ASIC2: variants seen among roughly 807,000 people sequenced by gnomAD.
ASIC2 encodes acid-sensing ion channel 2.
ASIC2 carries 25 observed loss-of-function variants against 57.3 expected under a neutral mutation model. The observed-to-expected ratio is 0.44, with a 90% CI of 0.32 to 0.61. The LOEUF (loss-of-function observed/expected upper bound fraction) is 0.61. ASIC2 is among the 20% of genes least tolerant of loss of function. The pLI is 0.06. For synonymous variants in ASIC2, 319 were observed against 307.5 expected, an observed-to-expected ratio of 1.04 and a Z score of -0.39; for missense variants, 641 against 738.1, an observed-to-expected ratio of 0.87 and a Z score of 1.52.
In ASIC2 at chr17:33,282,050, A is replaced by T. The variant is rs1253639119; in HGVS notation, c.708+9358T>A. Among the ~76,000 whole-genome samples the T allele has an allele frequency of 3.3e-5, 5 of 152,146 alleles. No homozygotes were observed. In the East Asian group the frequency reaches 9.6e-4, roughly 29 times the overall value. ...ATGCATGTTTGTTACAAATTCTTTC[A>T]TTTTTTTGAATTTTGGACAGATTCT... On this transcript the variant is annotated intron_variant, in intron 1 of 9. Coordinates refer to ENST00000225823, the MANE Select transcript of ASIC2 (RefSeq NM_183377.2).
In ASIC2 at chr17:33,912,975, T is replaced by C. The variant is rs537753929; in HGVS notation, c.555+243003A>G. On this transcript the variant is annotated intron_variant, in intron 1 of 9. Transcript: ENST00000359872. ...CCTGGGCAACAAGAGCGAAACTCTG[T>C]CTCAAAAAATGATAATAATAATAAA... Among the ~76,000 whole-genome samples, 11 of 152,010 alleles carry C rather than the reference T, an allele frequency of 7.2e-5. No homozygotes were observed. In the South Asian group the frequency reaches 2.1e-3, roughly 29 times the overall value.
intron 1 of ASIC2, among the ~76,000 whole-genome samples, chr17:33,666,392 G>A (rs1328878360): frequency 1.3e-5 from 2 of 152,218 alleles, no homozygotes; most frequent in Non-Finnish European, 2.9e-5. Context: ...TGGGGTCACA[G>A]TGCAGCGGGC....
chr17:33,958,945 C>T (rs1904831365), intron 1 of ASIC2, among the ~76,000 whole-genome samples: 2 of 152,194 alleles, frequency 1.3e-5, no homozygotes, highest in Admixed American at 6.5e-5. Context: ...TCATCTCTCT[C>T]AAGTTTAAAA....
rs532765166 is a variant in ASIC2 at position 33,664,683 on chromosome 17, G to A, written c.555+491295C>T. Among the ~76,000 whole-genome samples the A allele has an allele frequency of 3.3e-5, 5 of 152,316 alleles. No homozygotes were observed. The South Asian group carries it at 8.3e-4, about 25-fold the overall frequency. On this transcript the variant is annotated intron_variant, in intron 1 of 9. Transcript: ENST00000359872. ...CAAGAAATGGACAGTTGATAGAGCA[G>A]AGCTCCCCCCTCTTCTTTAACTTGC...
At position 33,144,303 on chromosome 17, in the gene ASIC2, G is replaced by A. The variant is rs553593784; in HGVS notation, c.709-32236C>T. On this transcript the variant is annotated intron_variant, in intron 1 of 9. Coordinates refer to ENST00000225823, the MANE Select transcript of ASIC2 (RefSeq NM_183377.2). ...CTGTGCAATGAGGGCAGAAGAGGGG[G>A]CCCATGGTGAGAGAGGGAAAGAACA... 2.6e-3 allele frequency among the ~76,000 whole-genome samples: 403 copies of A among 152,266 alleles called. 1 individual carries two copies. The highest frequency in any genetic ancestry group is 9.3e-3 in the African/African-American group (386 of 41,566).
chr17:33,155,184 C>A (rs939984492), intron 1 of ASIC2, among the ~76,000 whole-genome samples: 16 of 152,252 alleles, frequency 1.1e-4, no homozygotes, highest in Admixed American at 9.8e-4. Flanking sequence ...AGCGCCCAAC[C>A]CCACACCTGG....
chr17:33,509,171 A>C (rs1914354920), intron 1 of ASIC2, among the ~76,000 whole-genome samples: 1 of 152,092 alleles, frequency 6.6e-6, no homozygotes, highest in Non-Finnish European at 1.5e-5. Flanking sequence ...AGAGGGGAGG[A>C]AGGTAGGACG....
At chr17:33,880,777 T>C (rs1478444848) in intron 1 of ASIC2, among the ~76,000 whole-genome samples, 1 of 152,196 alleles carries the variant, frequency 6.6e-6, no homozygotes, top group Non-Finnish European at 1.5e-5. Flanking sequence ...AGCATCATCC[T>C]GATACCAAAG....
intron 2 of ASIC2, among the ~76,000 whole-genome samples, chr17:33,109,663 C>T (rs910140682): frequency 6.6e-6 from 1 of 152,202 alleles, no homozygotes; most frequent in Non-Finnish European, 1.5e-5. Flanking sequence ...TGATGATGAC[C>T]TGCGCAGTGT....
intron 1 of ASIC2, among the ~76,000 whole-genome samples, chr17:33,145,186 G>A (rs992860315): frequency 1.3e-5 from 2 of 152,236 alleles, no homozygotes; most frequent in Non-Finnish European, 2.9e-5. Context: ...CTTCCCAGGA[G>A]ACTGGCAGGC....
chr17:33,983,635 T>C (rs1230239745), intron 1 of ASIC2, among the ~76,000 whole-genome samples: 1 of 152,140 alleles, frequency 6.6e-6, no homozygotes, highest in Admixed American at 6.5e-5. Flanking sequence ...GAGGAGGAAG[T>C]TAGGCGTGCA....
At chr17:33,866,805 C>T (rs1262519871) in intron 1 of ASIC2, among the ~76,000 whole-genome samples, 1 of 152,152 alleles carries the variant, frequency 6.6e-6, no homozygotes, top group Non-Finnish European at 1.5e-5. Context: ...TTCACAAAAT[C>T]TCCTCCAGGG....
intron 1 of ASIC2, among the ~76,000 whole-genome samples, chr17:33,172,484 G>T (rs1435538178): frequency 6.6e-6 from 1 of 152,142 alleles, no homozygotes; most frequent in South Asian, 2.1e-4. Flanking sequence ...GGTGTAGGGT[G>T]CAGGCCTTAG....
At chr17:33,694,643 C>G (rs990216144) in intron 1 of ASIC2, among the ~76,000 whole-genome samples, 5 of 152,082 alleles carry the variant, frequency 3.3e-5, no homozygotes, top group African/African-American at 1.2e-4. Flanking sequence ...CAAGCTAACT[C>G]AAGCAAAAGG....
intron 1 of ASIC2, among the ~76,000 whole-genome samples, chr17:33,726,030 G>A (rs1366252361): frequency 1.3e-5 from 2 of 152,214 alleles, no homozygotes; most frequent in Non-Finnish European, 2.9e-5. Flanking sequence ...CCACTGAGCT[G>A]CATCTCTCAA....
At chr17:34,108,467 T>C (rs1229859074) in intron 1 of ASIC2, among the ~76,000 whole-genome samples, 1 of 152,206 alleles carries the variant, frequency 6.6e-6, no homozygotes, top group East Asian at 1.9e-4. Context: ...TCAAATGTAA[T>C]TATGCCACTG....
At chr17:33,485,417 A>G (rs1436762455) in intron 1 of ASIC2, among the ~76,000 whole-genome samples, 1 of 152,202 alleles carries the variant, frequency 6.6e-6, no homozygotes, top group African/African-American at 2.4e-5. Flanking sequence ...AGAGCAGTGA[A>G]GCTCCCACTG....
At chr17:34,065,724 G>A (rs1038833916) in intron 1 of ASIC2, among the ~76,000 whole-genome samples, 1 of 152,090 alleles carries the variant, frequency 6.6e-6, no homozygotes, top group African/African-American at 2.4e-5. Flanking sequence ...CTGAGGAAGA[G>A]GGACGTAGAT....
intron 1 of ASIC2, among the ~76,000 whole-genome samples, chr17:33,507,355 C>T (rs1163764442): frequency 6.6e-6 from 1 of 152,210 alleles, no homozygotes; most frequent in Non-Finnish European, 1.5e-5. Context: ...TAAATCATCG[C>T]TCTGTGGTTT....
Sources: allele counts gnomAD v4.1 joint callset (sites outside exome capture counted in the v4.1 genomes callset), GRCh38; gene constraint gnomAD v4.1.1; transcripts MANE v1.5; gene names NCBI Gene and HGNC (gene_info 2026-07-23, HGNC 2026-07-21).